The following TECTA variants were observed in gnomAD, a reference collection of about 807,000 sequenced individuals.
TECTA encodes the protein tectorin alpha, also known as alpha-tectorin.
A neutral mutation model predicts 216.8 loss-of-function variants in TECTA; 128 were observed. The observed-to-expected ratio is 0.59, with a 90% CI of 0.51 to 0.68. TECTA has a LOEUF of 0.68. TECTA is among the 30% of genes least tolerant of loss of function. The pLI, the probability that TECTA is intolerant of heterozygous loss-of-function variation, is 0.00. For synonymous variants in TECTA, 1,089 were observed against 1,117.1 expected (o/e 0.97, Z 0.50); for missense variants, 2,551 against 2,786.2 (o/e 0.92, Z 1.90).
At position 121,130,074 on chromosome 11, in the gene TECTA, A is replaced by G; in HGVS notation, c.2804A>G (p.Tyr935Cys). The G allele has an allele frequency of 6.2e-7, 1 of 1,614,106 alleles. No homozygotes were observed. Among genetic ancestry groups the G allele is most frequent in the Non-Finnish European group, 8.5e-7 (1 of 1,180,012 alleles). ...CATGGGGTGGTGAACGTCACTGCCTATTACCGCACCTGCCTTTTCCGCCTG... is the reference window on the plus strand; with the variant it reads ...CATGGGGTGGTGAACGTCACTGCCTGTTACCGCACCTGCCTTTTCCGCCTG... ...ECHGVVNVTA[Y>C]YRTCLFRLCQ... The change falls in exon 10 of 24, where the codon TAT becomes TGT. Residue 935 changes from tyrosine to cysteine, a missense_variant. This residue lies in a region of TECTA where 2,375 missense variants were observed against 2,563.9 expected (regional missense o/e 0.93). Transcript: ENST00000392793.
At position 121,127,913 on chromosome 11, in the gene TECTA, C is replaced by T. The variant is rs1337074448; in HGVS notation, c.1936C>T (p.Pro646Ser). The T allele has an allele frequency of 6.2e-7, 1 of 1,614,020 alleles. No homozygotes were observed. The highest frequency in any genetic ancestry group is 1.3e-5 in the African/African-American group (1 of 74,954). ...GFVLSTSQCV[P>S]LHKCGCDFDG... ...CGTCCTCAGCACCAGCCAGTGCGTC[C>T]CTCTGCACAAGTGCGGCTGCGACTT... The change falls in exon 9 of 24, where the codon CCT becomes TCT. Residue 646 changes from proline (P) to serine (S), a missense_variant. Physicochemically the swap from Pro to Ser is moderately conservative, Grantham distance 74. Transcript: ENST00000392793. This position sits in a 1 kb window ranked among gnomAD's most constrained non-coding sequence, Gnocchi z 5.0.
In TECTA at chr11:121,148,486, AATC is replaced by A. The variant is rs918100153; in HGVS notation, c.4105+2371_4105+2373del. ...GGAGGCAGCTTCCTTTTACATTTTGAATCTCAGAAGCAGAGAAAAGCTTCAGGA... is the reference window on the plus strand; with the variant it reads ...GGAGGCAGCTTCCTTTTACATTTTGATCAGAAGCAGAGAAAAGCTTCAGGA... On this transcript the variant is annotated intron_variant, in intron 12 of 23. Transcript: ENST00000392793. Among the ~76,000 whole-genome samples the A allele has an allele frequency of 1.3e-4, 20 of 152,162 alleles. 1 individual carries two copies. Among genetic ancestry groups the A allele is most frequent in the South Asian group, 8.3e-4 (4 of 4,830 alleles).
chr11:121,158,576 G>T (rs1946967999), intron 14 of TECTA, among the ~76,000 whole-genome samples: 4 of 152,194 alleles, frequency 2.6e-5, no homozygotes, highest in African/African-American at 9.7e-5. Flanking sequence ...CAGCCCTTAA[G>T]ATTATTCTTG....
At chr11:121,139,761 A>G (rs1286966270) in intron 11 of TECTA, among the ~76,000 whole-genome samples, 2 of 152,154 alleles carry the variant, frequency 1.3e-5, no homozygotes, top group Non-Finnish European at 2.9e-5. Flanking sequence ...ATTTTGTCAC[A>G]GTACTGCTTC....
intron 7 of TECTA, among the ~76,000 whole-genome samples, chr11:121,118,931 G>A (rs1454740683): frequency 6.6e-6 from 1 of 151,912 alleles, no homozygotes; most frequent in Non-Finnish European, 1.5e-5. Context: ...TCCTCAACAT[G>A]TCTATCTGCT....
chr11:121,146,710 A>G (rs952615872), intron 12 of TECTA, among the ~76,000 whole-genome samples: 3 of 152,208 alleles, frequency 2.0e-5, no homozygotes, highest in Non-Finnish European at 4.4e-5. Flanking sequence ...TCCATAAAGC[A>G]GTGGTAATGC....
In TECTA at chr11:121,101,488, T is replaced by C. The variant is rs377029571; in HGVS notation, c.-2+46T>C. 26 of 152,364 alleles carry C rather than the reference T, an allele frequency of 1.7e-4. No individual in the cohort carries two copies. The East Asian group carries it at 4.0e-3, about 24-fold the overall frequency. The allele number at this position is 152,364 out of a possible 1,614,324, so 9.4% of individuals were successfully genotyped here. A position where few individuals can be genotyped will look rare whatever the true frequency, so the allele number is the denominator to read the frequency against. On this transcript the variant is annotated intron_variant, in intron 1 of 23. Transcript: ENST00000392793. ...ATACAAATATCTAAATGAATCCTCC[T>C]TACTTCTCTCTGAACCGGTTCCCTA...
intron 2 of TECTA, among the ~76,000 whole-genome samples, chr11:121,103,322 G>A (rs1055689861): frequency 6.6e-5 from 10 of 152,098 alleles, no homozygotes; most frequent in African/African-American, 1.7e-4. Context: ...AGACAAAGAC[G>A]GGGCGGTCTA....
In TECTA at chr11:121,157,874, C is replaced by A. The variant is rs746317029; in HGVS notation, c.4339C>A (p.Arg1447=). The A allele has an allele frequency of 3.3e-5, 53 of 1,614,102 alleles. No homozygotes were observed. Among genetic ancestry groups the A allele is most frequent in the Non-Finnish European group, 4.4e-5 (52 of 1,180,052 alleles). The change falls in exon 14 of 24, where the codon CGG becomes AGG. Residue 1447 remains arginine (R), a synonymous_variant. Transcript: ENST00000392793. Reference sequence around the variant, plus strand: ...GCTATTTTGGAACAGCGACTGCACGCGGCGCTGCCGCTGTTTCCGTCGCAA... The same window carrying A: ...GCTATTTTGGAACAGCGACTGCACGAGGCGCTGCCGCTGTTTCCGTCGCAA... The part of the protein sequence containing the change: ...KQLFWNSDCT[R]RCRCFRRNVI...
At chr11:121,171,762 T>C (rs1209952956) in intron 20 of TECTA, among the ~76,000 whole-genome samples, 1 of 152,230 alleles carries the variant, frequency 6.6e-6, no homozygotes, top group Non-Finnish European at 1.5e-5. Context: ...CATGTTGTTT[T>C]TATGTCCTGC....
chr11:121,165,678 AT>A (rs1947046558), intron 17 of TECTA, among the ~76,000 whole-genome samples: 1 of 152,248 alleles, frequency 6.6e-6, no homozygotes, highest in Non-Finnish European at 1.5e-5. Context: ...GAAATAGGGT[AT>A]TTTGATGCCA....
intron 13 of TECTA, among the ~76,000 whole-genome samples, chr11:121,156,591 A>G (rs1411076155): frequency 6.6e-6 from 1 of 151,986 alleles, no homozygotes; most frequent in East Asian, 1.9e-4. Context: ...TGATCCACCC[A>G]CCTCAGCCTC....
chr11:121,171,889 G>T (rs570981591), intron 20 of TECTA, among the ~76,000 whole-genome samples: 3 of 152,106 alleles, frequency 2.0e-5, no homozygotes, highest in Non-Finnish European at 4.4e-5. Flanking sequence ...TTCCCAGTTT[G>T]GATGTCTTTT....
chr11:121,186,833 A>G (rs1427401388), intron 20 of TECTA, among the ~76,000 whole-genome samples: 1 of 152,190 alleles, frequency 6.6e-6, no homozygotes, highest in Admixed American at 6.5e-5. Context: ...TATCTTTATC[A>G]TTTTAAAGAG....
rs562735582 is a variant in TECTA at position 121,137,715 on chromosome 11, A to T, written c.3236A>T (p.Asp1079Val). 1 of 1,614,026 alleles carries T rather than the reference A, an allele frequency of 6.2e-7. No individual in the cohort carries two copies. The highest frequency in any genetic ancestry group is 1.3e-5 in the African/African-American group (1 of 74,928). ...CACTGCGAGACCATTCCCTGCAAGG[A>T]TGATGAGTACTGCATGGAGGAAGGT... ...RVHCETIPCK[D>V]DEYCMEEGGL... The change falls in exon 11 of 24, where the codon GAT (aspartate) becomes GTT (valine). Residue 1079 changes from aspartate to valine, a missense_variant. Coordinates refer to ENST00000392793, the MANE Select transcript of TECTA (RefSeq NM_005422.4).
chr11:121,109,828 C>T (rs598650), intron 4 of TECTA: 94,239 of 355,464 alleles, frequency 0.27, 13,633 homozygotes, highest in Admixed American at 0.35. Context: ...TTCCAGGCCA[C>T]ATGCTTAGGG....
intron 20 of TECTA, among the ~76,000 whole-genome samples, chr11:121,178,163 C>T (rs928102089): frequency 1.7e-4 from 26 of 152,232 alleles, no homozygotes; most frequent in Admixed American, 6.5e-4. Context: ...TGCTTCGGCT[C>T]GTGCACGGTG....
chr11:121,139,988 T>A (rs1946768838), intron 11 of TECTA, among the ~76,000 whole-genome samples: 1 of 152,270 alleles, frequency 6.6e-6, no homozygotes, highest in Non-Finnish European at 1.5e-5. Context: ...TGTTTCCTTA[T>A]GTGATATATT....
At chr11:121,173,090 C>T (rs1947129058) in intron 20 of TECTA, among the ~76,000 whole-genome samples, 1 of 152,068 alleles carries the variant, frequency 6.6e-6, no homozygotes, top group Non-Finnish European at 1.5e-5. Flanking sequence ...TGGATACTAG[C>T]CCTTTGTCAG....
Sources: gnomAD v4.1 joint callset for allele counts (sites outside exome capture counted in the v4.1 genomes callset) on GRCh38, gnomAD v4.1.1 for gene constraint, gnomAD v4.1.1 regional missense constraint, Gnocchi (gnomAD v3.1) non-coding constraint, MANE v1.5 for transcripts, NCBI Gene and HGNC (gene_info 2026-07-23, HGNC 2026-07-21) for gene names.